The following CFAP97D2 variants were observed in gnomAD, a reference collection of about 807,000 sequenced individuals.
CFAP97D2 encodes CFAP97 domain containing 2.
At chr13:114,213,136 T>C (rs1566616500) in intron 4 of CFAP97D2, among the ~76,000 whole-genome samples, 1 of 152,174 alleles carries the variant, frequency 6.6e-6, no homozygotes, top group Non-Finnish European at 1.5e-5. Context: ...CATCACTCGC[T>C]TTACCTGTAT....
intron 1 of CFAP97D2, among the ~76,000 whole-genome samples, chr13:114,182,291 A>G (rs541975221): frequency 2.6e-4 from 40 of 152,258 alleles, no homozygotes; most frequent in African/African-American, 7.5e-4. Flanking sequence ...AAAGAATAAC[A>G]AGGCAGCATT....
At chr13:114,217,313 C>A (rs2080998471) in intron 4 of CFAP97D2, among the ~76,000 whole-genome samples, 1 of 152,170 alleles carries the variant, frequency 6.6e-6, no homozygotes, top group Admixed American at 6.5e-5. Context: ...CATACACCCT[C>A]CCAAGACTAA....
intron 1 of CFAP97D2, among the ~76,000 whole-genome samples, chr13:114,195,007 T>G (rs117677965): frequency 6.6e-6 from 1 of 152,190 alleles, no homozygotes; most frequent in African/African-American, 2.4e-5. Flanking sequence ...GTATGAAAAC[T>G]GAAAGCAGAG....
Position 114,222,448 on chromosome 13 carries a change from T to A in CFAP97D2, c.481-50T>A. On this transcript the variant is annotated intron_variant, in intron 4 of 4. Transcript: ENST00000646158. This position sits in a 1 kb window ranked among gnomAD's most constrained non-coding sequence, Gnocchi z 4.4. ...ATTTCCCAAGTAAGTTGATAGTTTCTTGTTCTTGCCTAAGAAAGCGTTAGT... is the reference window on the plus strand; with the variant it reads ...ATTTCCCAAGTAAGTTGATAGTTTCATGTTCTTGCCTAAGAAAGCGTTAGT... 1 of 398,652 alleles carries A rather than the reference T, an allele frequency of 2.5e-6. No homozygotes were observed. The highest frequency in any genetic ancestry group is 4.4e-6 in the Non-Finnish European group (1 of 226,072). The allele number at this position is 398,652 out of a possible 1,614,324, so 24.7% of individuals were successfully genotyped here. A position where few individuals can be genotyped will look rare whatever the true frequency, so the allele number is the denominator to read the frequency against.
At position 114,189,835 on chromosome 13, in the gene CFAP97D2, T is replaced by C. The variant is rs2080863088; in HGVS notation, c.91-6561T>C. 6.6e-6 allele frequency among the ~76,000 whole-genome samples: 1 copy of C among 152,174 alleles called. No individual in the cohort carries two copies. Among genetic ancestry groups the C allele is most frequent in the Admixed American group, 6.5e-5 (1 of 15,276 alleles). On this transcript the variant is annotated intron_variant, in intron 1 of 4. Transcript: ENST00000646158. This position sits in a 1 kb window ranked among gnomAD's most constrained non-coding sequence, Gnocchi z 4.5. ...GGAAACTAGAAGTTGAGGAAAACTT[T>C]CTCAACTTGATAAAGAATATCTCCA...
chr13:114,194,447 G>A (rs1384385183), intron 1 of CFAP97D2, among the ~76,000 whole-genome samples: 1 of 152,162 alleles, frequency 6.6e-6, no homozygotes, highest in Non-Finnish European at 1.5e-5. Context: ...CAGGGAAATT[G>A]TACATTAGAC....
At chr13:114,191,888 A>G (rs986958538) in intron 1 of CFAP97D2, among the ~76,000 whole-genome samples, 1 of 152,198 alleles carries the variant, frequency 6.6e-6, no homozygotes, top group African/African-American at 2.4e-5. Context: ...ATGGAATATC[A>G]TTCAATTCTA....
At chr13:114,200,531 G>T in intron 3 of CFAP97D2, 88 bp downstream of exon 3, 1 of 396,550 alleles carries the variant, frequency 2.5e-6, no homozygotes, top group Non-Finnish European at 4.4e-6. Flanking sequence ...AGAGCTGCCC[G>T]TGGGTGGGAG....
In CFAP97D2 at chr13:114,203,432, A is replaced by G. The variant is rs1412908362; in HGVS notation, c.290+2989A>G. ...TGAAGATCTAAATAAATGGAAAAATATCCCACGTGTATGGATTCAGAAGTC... is the reference window on the plus strand; with the variant it reads ...TGAAGATCTAAATAAATGGAAAAATGTCCCACGTGTATGGATTCAGAAGTC... On this transcript the variant is annotated intron_variant, in intron 3 of 4. Coordinates refer to ENST00000646158, the Ensembl canonical transcript of CFAP97D2. The surrounding 1 kb of genome is among the most constrained non-coding windows in gnomAD (Gnocchi z 4.3). 6.6e-6 allele frequency among the ~76,000 whole-genome samples: 1 copy of G among 152,244 alleles called. No individual in the cohort carries two copies. The highest frequency in any genetic ancestry group is 1.5e-5 in the Non-Finnish European group (1 of 68,036).
rs112469650 is a variant in CFAP97D2 at position 114,207,207 on chromosome 13, A to G, written c.291-4705A>G. Reference sequence around the variant, plus strand: ...CATGCAGGGCACACAGAAAGTCCTCAGGGCTCGCAAACCAGAAAGTATCTA... The same window carrying G: ...CATGCAGGGCACACAGAAAGTCCTCGGGGCTCGCAAACCAGAAAGTATCTA... On this transcript the variant is annotated intron_variant, in intron 3 of 4. Transcript: ENST00000646158. The surrounding 1 kb of genome is among the most constrained non-coding windows in gnomAD (Gnocchi z 4.9). 0.065 allele frequency among the ~76,000 whole-genome samples: 9,953 copies of G among 152,292 alleles called. 555 individuals are homozygous for G. Among genetic ancestry groups the G allele is most frequent in the African/African-American group, 0.13 (5,386 of 41,540 alleles).
At position 114,187,103 on chromosome 13, in the gene CFAP97D2, A is replaced by G. The variant is rs145176076; in HGVS notation, c.90+7683A>G. On this transcript the variant is annotated intron_variant, in intron 1 of 4. Coordinates refer to ENST00000646158, the Ensembl canonical transcript of CFAP97D2. This position sits in a 1 kb window ranked among gnomAD's most constrained non-coding sequence, Gnocchi z 4.2. ...ACTACCTGTTAAGCAATATAGTGTT[A>G]TTTGAAAGTGGACTTGAGTTATTTG... 8.1e-4 allele frequency among the ~76,000 whole-genome samples: 123 copies of G among 152,380 alleles called. No individual in the cohort carries two copies. The highest frequency in any genetic ancestry group is 2.8e-3 in the African/African-American group (115 of 41,600).
At chr13:114,216,290 C>T (rs1050560126) in intron 4 of CFAP97D2, among the ~76,000 whole-genome samples, 6 of 152,084 alleles carry the variant, frequency 3.9e-5, no homozygotes, top group South Asian at 2.1e-4. Flanking sequence ...TTATTTTTTA[C>T]TTATTTATTT....
chr13:114,217,343 C>T (rs2080998633), intron 4 of CFAP97D2, among the ~76,000 whole-genome samples: 1 of 152,098 alleles, frequency 6.6e-6, no homozygotes, highest in Non-Finnish European at 1.5e-5. Flanking sequence ...AAGTTGAATC[C>T]CTGAATACAC....
chr13:114,183,014 C>T lies in CFAP97D2; in HGVS notation c.90+3594C>T, dbSNP rs549460474. On this transcript the variant is annotated intron_variant, in intron 1 of 4. Coordinates refer to ENST00000646158, the Ensembl canonical transcript of CFAP97D2. ...TGCCATCTCCAGAAACTCCTTTTTC[C>T]TCTTCCCTGTGCTACCTGGACTTCT... Among the ~76,000 whole-genome samples the T allele has an allele frequency of 3.9e-5, 6 of 152,232 alleles. No homozygotes were observed. The East Asian group carries it at 7.7e-4, about 20-fold the overall frequency.
chr13:114,184,204 G>A (rs902842002), intron 1 of CFAP97D2, among the ~76,000 whole-genome samples: 5 of 152,156 alleles, frequency 3.3e-5, no homozygotes, highest in Non-Finnish European at 2.9e-5. Context: ...CAAAGAGAAC[G>A]AAGTCTGAAT....
At chr13:114,201,069 C>T (rs2080916029) in intron 3 of CFAP97D2, among the ~76,000 whole-genome samples, 1 of 152,100 alleles carries the variant, frequency 6.6e-6, no homozygotes, top group Non-Finnish European at 1.5e-5. Flanking sequence ...TGGAGTTCTG[C>T]CCTCTGTGAA....
chr13:114,211,924 G>A lies in CFAP97D2; in HGVS notation c.303G>A (p.Gly101=). The change falls in exon 4 of 5, where the codon GGG becomes GGA. Residue 101 remains glycine (G), a synonymous_variant. Coordinates refer to ENST00000646158, the Ensembl canonical transcript of CFAP97D2. The surrounding 1 kb of genome is among the most constrained non-coding windows in gnomAD (Gnocchi z 4.2). The stretch of plus-strand genomic sequence containing the variant: ...CTCTTTCGTGGAGTCTGCACAGGGG[G>A]AAGAGAGAACAGGAACTTCGCAGAG... The A allele has an allele frequency of 2.5e-6, 1 of 398,766 alleles. No individual in the cohort carries two copies. Among genetic ancestry groups the A allele is most frequent in the Non-Finnish European group, 4.4e-6 (1 of 226,150 alleles). 24.7% of individuals were successfully genotyped at this position (398,766 alleles called of 1,614,324 possible).
rs769610465 is a variant in CFAP97D2, at chr13:114,185,720, C to T, written c.90+6300C>T. Among the ~76,000 whole-genome samples, 5 of 152,254 alleles carry T rather than the reference C, an allele frequency of 3.3e-5. No homozygotes were observed. The highest frequency in any genetic ancestry group is 2.0e-4 in the Admixed American group (3 of 15,290). On this transcript the variant is annotated intron_variant, in intron 1 of 4. Coordinates refer to ENST00000646158, the Ensembl canonical transcript of CFAP97D2. The surrounding 1 kb of genome is among the most constrained non-coding windows in gnomAD (Gnocchi z 5.2). ...CACAGCCCGGCTGGGTGTGCCCACA[C>T]TTAGGGCAGAAGTGACATGCCAGCC...
At position 114,203,005 on chromosome 13, in the gene CFAP97D2, C is replaced by T. The variant is rs1349851891; in HGVS notation, c.290+2562C>T. Among the ~76,000 whole-genome samples, 1 of 152,182 alleles carries T rather than the reference C, an allele frequency of 6.6e-6. No individual in the cohort carries two copies. Among genetic ancestry groups the T allele is most frequent in the Non-Finnish European group, 1.5e-5 (1 of 68,038 alleles). ...GATTTTGCCCAGAGGAAGAAGCAGA[C>T]CCTCGTAACAGCTCCCATTCTCTTC... On this transcript the variant is annotated intron_variant, in intron 3 of 4. Coordinates refer to ENST00000646158, the Ensembl canonical transcript of CFAP97D2. The surrounding 1 kb of genome is among the most constrained non-coding windows in gnomAD (Gnocchi z 4.3).
Sources: gnomAD v4.1 joint callset for allele counts (sites outside exome capture counted in the v4.1 genomes callset) on GRCh38, gnomAD v4.1.1 for gene constraint, Gnocchi (gnomAD v3.1) non-coding constraint, MANE v1.5 for transcripts, NCBI Gene and HGNC (gene_info 2026-07-23, HGNC 2026-07-21) for gene names.